RIMS1: variants seen among roughly 807,000 people sequenced by gnomAD.
RIMS1 encodes the protein regulating synaptic membrane exocytosis protein 1.
In RIMS1, 83 loss-of-function variants were observed where a neutral mutation model predicts 214.1. That is an observed-to-expected ratio of 0.39 (90% confidence interval 0.32 to 0.47). The LOEUF (loss-of-function observed/expected upper bound fraction) is 0.47, where lower values mean the gene tolerates loss of function less well. Among genes scored for constraint, RIMS1 ranks in the 20% least tolerant of loss-of-function variants. RIMS1 has a pLI of 0.99. For missense variants in RIMS1, 2,050 were observed against 2,161.8 expected (o/e 0.95, Z 1.03); for synonymous variants, 793 against 786.8 (o/e 1.01, Z -0.13).
intron 1 of RIMS1, among the ~76,000 whole-genome samples, chr6:71,887,837 C>A (rs895826384): frequency 6.6e-6 from 1 of 152,156 alleles, no homozygotes. Flanking sequence ...AAGACAGATT[C>A]TCTTCTCCAT....
chr6:71,897,805 T>A (rs558091768), intron 1 of RIMS1, among the ~76,000 whole-genome samples: 1 of 151,832 alleles, frequency 6.6e-6, no homozygotes, highest in South Asian at 2.1e-4. Flanking sequence ...TTTTTTAAAA[T>A]TGTATATGGA....
intron 2 of RIMS1, among the ~76,000 whole-genome samples, chr6:72,056,160 A>C (rs1016235575): frequency 3.9e-5 from 6 of 152,138 alleles, no homozygotes; most frequent in African/African-American, 1.4e-4. Context: ...CTGACACACG[A>C]ACAGAAAACT....
intron 23 of RIMS1, among the ~76,000 whole-genome samples, chr6:72,279,362 A>T (rs2088752004): frequency 6.6e-6 from 1 of 151,988 alleles, no homozygotes; most frequent in East Asian, 1.9e-4. Context: ...TCTAGCTTTG[A>T]TTTAATAATA....
intron 6 of RIMS1, chr6:72,217,055 C>T (rs2056411675): frequency 9.5e-6 from 14 of 1,469,128 alleles, no homozygotes; most frequent in Non-Finnish European, 1.3e-5. Context: ...AATGCAAGGA[C>T]CACAGGGAAT....
intron 2 of RIMS1, among the ~76,000 whole-genome samples, chr6:71,985,052 A>G (rs1799543708): frequency 6.6e-6 from 1 of 152,152 alleles, no homozygotes; most frequent in Non-Finnish European, 1.5e-5. Flanking sequence ...TTAGATATTC[A>G]AAAAGTTTGC....
intron 29 of RIMS1, among the ~76,000 whole-genome samples, chr6:72,338,361 A>G (rs531397322): frequency 1.3e-4 from 19 of 151,990 alleles, no homozygotes; most frequent in Non-Finnish European, 2.8e-4. Context: ...GCATTTTTTC[A>G]TGTGTCTTAA....
intron 29 of RIMS1, among the ~76,000 whole-genome samples, chr6:72,367,393 G>C (rs1264535083): frequency 1.3e-5 from 2 of 152,084 alleles, no homozygotes; most frequent in African/African-American, 4.8e-5. Flanking sequence ...GAAATTATCA[G>C]TCACATTTTC....
intron 6 of RIMS1, among the ~76,000 whole-genome samples, chr6:72,184,771 A>T (rs74673884): frequency 6.6e-6 from 1 of 151,986 alleles, no homozygotes; most frequent in East Asian, 1.9e-4. Context: ...GGGAAAAAAA[A>T]AAAAGTGCCA....
At chr6:72,282,456 C>G (rs2090592526) in intron 23 of RIMS1, among the ~76,000 whole-genome samples, 1 of 151,894 alleles carries the variant, frequency 6.6e-6, no homozygotes, top group African/African-American at 2.4e-5. Flanking sequence ...ACCTTAATGT[C>G]AGAGAGAGAG....
At chr6:71,999,397 G>T (rs1323380299) in intron 2 of RIMS1, among the ~76,000 whole-genome samples, 2 of 152,046 alleles carry the variant, frequency 1.3e-5, no homozygotes, top group Admixed American at 6.6e-5. Context: ...CATAGTCCTG[G>T]CTATTAGTTG....
At chr6:72,107,904 C>G (rs929774829) in intron 4 of RIMS1, among the ~76,000 whole-genome samples, 2 of 152,200 alleles carry the variant, frequency 1.3e-5, no homozygotes, top group Non-Finnish European at 2.9e-5. Flanking sequence ...AGATTGATCA[C>G]AAGGCCTAAT....
intron 24 of RIMS1, among the ~76,000 whole-genome samples, chr6:72,285,624 CA>C (rs1406442829): frequency 3.3e-5 from 5 of 152,186 alleles, no homozygotes; most frequent in African/African-American, 1.2e-4. Context: ...TTGAGTAGTA[CA>C]AAGAGTTGGA....
At chr6:72,199,880 G>A (rs186227098) in intron 6 of RIMS1, among the ~76,000 whole-genome samples, 172 of 152,066 alleles carry the variant, frequency 1.1e-3, no homozygotes, top group Non-Finnish European at 8.7e-4. Flanking sequence ...TTTAAAATTA[G>A]GATGTTTTCC....
intron 2 of RIMS1, among the ~76,000 whole-genome samples, chr6:72,025,370 T>C (rs1470049424): frequency 1.3e-5 from 2 of 152,226 alleles, no homozygotes; most frequent in Admixed American, 1.3e-4. Flanking sequence ...TTTACTCACA[T>C]AGGTGGAAGA....
At chr6:71,980,587 G>A (rs1381563636) in intron 2 of RIMS1, among the ~76,000 whole-genome samples, 1 of 152,002 alleles carries the variant, frequency 6.6e-6, no homozygotes, top group Non-Finnish European at 1.5e-5. Flanking sequence ...TACTCTGAAG[G>A]GAGACACCAA....
intron 4 of RIMS1, among the ~76,000 whole-genome samples, chr6:72,136,854 C>A (rs1293351239): frequency 6.6e-6 from 1 of 151,968 alleles, no homozygotes; most frequent in African/African-American, 2.4e-5. Context: ...ATAATACAGC[C>A]TCCTAAATAT....
intron 4 of RIMS1, among the ~76,000 whole-genome samples, chr6:72,148,930 A>G (rs1010255304): frequency 6.6e-5 from 10 of 152,036 alleles, no homozygotes; most frequent in African/African-American, 2.4e-4. Context: ...GGCCTCCTCA[A>G]ATAAGGGAGA....
Position 72,242,344 on chromosome 6 carries a change from C to T in RIMS1, c.1988C>T (p.Pro663Leu), listed in dbSNP as rs2067317587. 4 of 1,563,098 alleles carry T rather than the reference C, an allele frequency of 2.6e-6. No homozygotes were observed. Among genetic ancestry groups the T allele is most frequent in the Middle Eastern group, 3.9e-4 (2 of 5,182 alleles). The change falls in exon 10 of 34, where the codon CCC becomes CTC. Residue 663 changes from proline to leucine, a missense_variant. This residue lies in a region of RIMS1 where 111 missense variants were observed against 166.2 expected (regional missense o/e 0.67). Coordinates refer to ENST00000521978, the MANE Select transcript of RIMS1 (RefSeq NM_014989.7). Reference sequence around the variant, plus strand: ...GAAGTTCTAGAATGGAATGGTAAACCCCTGCCGGGAGCTACAAATGAAGAA... The same window carrying T: ...GAAGTTCTAGAATGGAATGGTAAACTCCTGCCGGGAGCTACAAATGAAGAA... ...GDEVLEWNGKPLPGATNEEVY... is the reference protein window; with the variant it reads ...GDEVLEWNGKLLPGATNEEVY...
intron 19 of RIMS1, chr6:72,263,733 G>A (rs2079062959): frequency 4.1e-6 from 4 of 985,050 alleles, no homozygotes; most frequent in Non-Finnish European, 3.6e-6. Flanking sequence ...GGAAGCTGAA[G>A]CGGGCAGATC....
Sources: allele counts gnomAD v4.1 joint callset (sites outside exome capture counted in the v4.1 genomes callset), GRCh38; gene constraint gnomAD v4.1.1; regional missense constraint gnomAD v4.1.1; transcripts MANE v1.5; gene names NCBI Gene and HGNC (gene_info 2026-07-23, HGNC 2026-07-21).